LGR6: variants seen among roughly 807,000 people sequenced by gnomAD.
LGR6 encodes the protein leucine-rich repeat-containing G protein-coupled receptor 6.
LGR6 carries 45 observed loss-of-function variants against 69.4 expected under a neutral mutation model. The observed-to-expected ratio is 0.65, with a 90% CI of 0.51 to 0.83. The LOEUF (loss-of-function observed/expected upper bound fraction) is 0.83, where lower values mean the gene tolerates loss of function less well. Ranked by LOEUF, LGR6 falls within the 40% of genes least tolerant of loss-of-function variation. LGR6 has a pLI of 0.00. For synonymous variants in LGR6, 538 were observed against 555.0 expected, an observed-to-expected ratio of 0.97 and a Z score of 0.43; for missense variants, 1,108 against 1,246.7, an observed-to-expected ratio of 0.89 and a Z score of 1.68.
intron 1 of LGR6, among the ~76,000 whole-genome samples, chr1:202,214,989 G>GTTT (rs1659666099): frequency 8.4e-6 from 1 of 119,374 alleles, no homozygotes; most frequent in African/African-American, 3.1e-5. Flanking sequence ...GGGTGCACCT[G>GTTT]GGTGTGTGTG....
intron 1 of LGR6, among the ~76,000 whole-genome samples, chr1:202,219,387 A>G (rs1266224084): frequency 6.6e-6 from 1 of 152,238 alleles, no homozygotes; most frequent in African/African-American, 2.4e-5. Flanking sequence ...TGAGAGGAGA[A>G]GGCTCTGGAG....
intron 4 of LGR6, among the ~76,000 whole-genome samples, chr1:202,243,248 G>T (rs1051761634): frequency 6.6e-5 from 10 of 152,164 alleles, no homozygotes; most frequent in Non-Finnish European, 1.0e-4. Context: ...GCTGGGGCGT[G>T]CCTGGGGCTC....
chr1:202,303,231 T>G (rs375154137), intron 9 of LGR6, 48 bp from the exon 10 acceptor site: 526 of 1,366,018 alleles, frequency 3.9e-4, no homozygotes, highest in Non-Finnish European at 5.0e-4. Flanking sequence ...GTCTTGATGT[T>G]GAGATGCTCT....
intron 7 of LGR6, among the ~76,000 whole-genome samples, chr1:202,299,228 C>G (rs1275365369): frequency 6.7e-6 from 1 of 149,584 alleles, no homozygotes; most frequent in East Asian, 2.0e-4. Context: ...CCACTGTACT[C>G]CAGCCTGGGT....
At chr1:202,244,974 A>G (rs1662526815) in intron 4 of LGR6, among the ~76,000 whole-genome samples, 1 of 152,196 alleles carries the variant, frequency 6.6e-6, no homozygotes, top group African/African-American at 2.4e-5. Flanking sequence ...ACAAGGCCAG[A>G]GGTCTGGGGT....
intron 4 of LGR6, among the ~76,000 whole-genome samples, chr1:202,237,262 G>A (rs1204999362): frequency 6.6e-6 from 1 of 152,200 alleles, no homozygotes; most frequent in African/African-American, 2.4e-5. Flanking sequence ...CCTGGACAGG[G>A]CCAGGCAACC....
At chr1:202,286,304 A>G (rs1666390178) in intron 6 of LGR6, among the ~76,000 whole-genome samples, 1 of 152,154 alleles carries the variant, frequency 6.6e-6, no homozygotes, top group Non-Finnish European at 1.5e-5. Context: ...AATCTCGCAA[A>G]TTTGCCTTCA....
intron 4 of LGR6, among the ~76,000 whole-genome samples, chr1:202,266,876 CCT>C (rs1664706619): frequency 6.9e-6 from 1 of 144,432 alleles, no homozygotes; most frequent in Non-Finnish European, 1.5e-5. Flanking sequence ...TCAGACACAG[CCT>C]CTCTTTTCCT....
intron 4 of LGR6, among the ~76,000 whole-genome samples, chr1:202,252,507 G>T (rs1300968830): frequency 6.6e-6 from 1 of 152,174 alleles, no homozygotes; most frequent in Non-Finnish European, 1.5e-5. Flanking sequence ...TACGTGAAAG[G>T]TACCATGGGT....
chr1:202,227,821 A>T (rs988621639), intron 2 of LGR6, 115 bp from the exon 3 acceptor site: 5 of 720,622 alleles, frequency 6.9e-6, no homozygotes, highest in African/African-American at 3.5e-5. Flanking sequence ...GATTTCAATA[A>T]ATAGTAGTTT....
At chr1:202,251,135 T>C (rs1036342041) in intron 4 of LGR6, among the ~76,000 whole-genome samples, 3 of 152,126 alleles carry the variant, frequency 2.0e-5, no homozygotes, top group Non-Finnish European at 2.9e-5. Context: ...CGGCCTGATA[T>C]AGGCAATGCT....
At chr1:202,205,519 T>C in intron 1 of LGR6, among the ~76,000 whole-genome samples, 1 of 34,160 alleles carries the variant, frequency 2.9e-5, no homozygotes, top group Non-Finnish European at 5.7e-5. Flanking sequence ...ACACACACCC[T>C]CCTTCAAGCA....
rs560569229 is a variant in LGR6, at chr1:202,206,029, A to T, written c.212+11828A>T. On this transcript the variant is annotated intron_variant, in intron 1 of 17. Coordinates refer to ENST00000367278, the MANE Select transcript of LGR6 (RefSeq NM_001017403.2). ...TCCGCCTGCAGGGGGCGCTCAGGACAGGACTGTAAACAGTTCCAGTGTATG... is the reference window on the plus strand; with the variant it reads ...TCCGCCTGCAGGGGGCGCTCAGGACTGGACTGTAAACAGTTCCAGTGTATG... Among the ~76,000 whole-genome samples the T allele has an allele frequency of 8.0e-3, 1,127 of 140,888 alleles. 6 individuals are homozygous for T. Among genetic ancestry groups the T allele is most frequent in the Non-Finnish European group, 0.012 (771 of 63,912 alleles). 92.4% of individuals were successfully genotyped at this position (140,888 alleles called of 152,430 possible).
At chr1:202,210,556 G>A (rs1304588359) in intron 1 of LGR6, among the ~76,000 whole-genome samples, 2 of 152,198 alleles carry the variant, frequency 1.3e-5, no homozygotes, top group Non-Finnish European at 2.9e-5. Flanking sequence ...AGGAGCCCGA[G>A]GTGTGGCTTC....
chr1:202,221,779 C>T (rs553533183), intron 1 of LGR6, among the ~76,000 whole-genome samples: 1 of 152,336 alleles, frequency 6.6e-6, no homozygotes, highest in African/African-American at 2.4e-5. Context: ...GTTCATGCAG[C>T]CAAGTGGATG....
chr1:202,227,939 T>C lies in LGR6; in HGVS notation c.288T>C (p.Arg96=). 6.2e-7 allele frequency: 1 copy of C among 1,613,312 alleles called. No individual in the cohort carries two copies. Among genetic ancestry groups the C allele is most frequent in the South Asian group, 1.1e-5 (1 of 91,056 alleles). ...GACCCTTGTCTCTGATTTCCAGGCG[T>C]CTCTCTGGGAACCATCTCTCACACA... ...FHHLRFLEEL[R]LSGNHLSHIP... The change falls in exon 3 of 18, where the codon CGT becomes CGC. Residue 96 remains arginine (R), a synonymous_variant. Coordinates refer to ENST00000367278, the MANE Select transcript of LGR6 (RefSeq NM_001017403.2).
In LGR6 at chr1:202,303,381, G is replaced by A. The variant is rs115528093; in HGVS notation, c.998+34G>A. The A allele has an allele frequency of 6.7e-4, 1,044 of 1,548,666 alleles. 8 individuals carry two copies. In the African/African-American group the frequency reaches 0.012, roughly 17 times the overall value. Reference sequence around the variant, plus strand: ...CTTCTCTCTCCCTACCTTATCTATCGCCCCAGCTTCATTCCCAAGAGCTCT... The same window carrying A: ...CTTCTCTCTCCCTACCTTATCTATCACCCCAGCTTCATTCCCAAGAGCTCT... On this transcript the variant is annotated intron_variant, in intron 10 of 17. Coordinates refer to ENST00000367278, the MANE Select transcript of LGR6 (RefSeq NM_001017403.2).
At chr1:202,267,181 A>G (rs1664736817) in intron 4 of LGR6, among the ~76,000 whole-genome samples, 1 of 152,236 alleles carries the variant, frequency 6.6e-6, no homozygotes, top group Non-Finnish European at 1.5e-5. Flanking sequence ...TCTATTGAAC[A>G]GTGTTGTCTT....
At chr1:202,198,252 C>A (rs1823695) in intron 1 of LGR6, among the ~76,000 whole-genome samples, 28,058 of 152,058 alleles carry the variant, frequency 0.18, 3,024 homozygotes, top group South Asian at 0.25. Context: ...GTGGCATTTG[C>A]CACAACAAAG....
Sources: gnomAD v4.1 joint callset for allele counts (sites outside exome capture counted in the v4.1 genomes callset) on GRCh38, gnomAD v4.1.1 for gene constraint, MANE v1.5 for transcripts, NCBI Gene and HGNC (gene_info 2026-07-23, HGNC 2026-07-21) for gene names.